Variants in ATP8B1 observed in about 807,000 individuals in gnomAD.
The protein encoded by ATP8B1 is ATPase phospholipid transporting 8B1, also known as phospholipid-transporting ATPase IC.
Under a neutral mutation model 149.9 loss-of-function variants are expected in ATP8B1, and 80 were observed. The observed-to-expected ratio is 0.53, with a 90% CI of 0.45 to 0.64. The LOEUF (loss-of-function observed/expected upper bound fraction) is 0.64. Ranked by LOEUF, ATP8B1 falls within the 30% of genes least tolerant of loss-of-function variation. The probability of loss-of-function intolerance (pLI) is 0.00; values close to 1 mark genes in which losing one functional copy is unlikely to be tolerated. For missense variants in ATP8B1, 1,247 were observed against 1,552.6 expected (o/e 0.80, Z 3.31); for synonymous variants, 536 against 562.8 (o/e 0.95, Z 0.67).
chr18:57,737,578 CT>C (rs2079870750), intron 1 of ATP8B1, among the ~76,000 whole-genome samples: 1 of 6,208 alleles, frequency 1.6e-4, no homozygotes. Context: ...TTCTTTCTTT[CT>C]TTTTTTTAAA....
At chr18:57,680,619 A>ACAAAAC (rs1555691204) in intron 15 of ATP8B1, among the ~76,000 whole-genome samples, 23 of 149,364 alleles carry the variant, frequency 1.5e-4, no homozygotes, top group African/African-American at 5.2e-4. Flanking sequence ...ACAAAACAAA[A>ACAAAAC]AAAAAACCAC....
At chr18:57,649,633 G>A (rs548290465) in intron 27 of ATP8B1, among the ~76,000 whole-genome samples, 1 of 152,238 alleles carries the variant, frequency 6.6e-6, no homozygotes, top group African/African-American at 2.4e-5. Flanking sequence ...CTCATGGGCG[G>A]TGGGCAGGTT....
chr18:57,753,010 G>A (rs75663160), intron 1 of ATP8B1, among the ~76,000 whole-genome samples: 3,506 of 152,168 alleles, frequency 0.023, 110 homozygotes, highest in African/African-American at 0.078. Flanking sequence ...CACTGTCTCC[G>A]GCCCCCAGGG....
At chr18:57,732,532 T>C (rs1193425993) in intron 1 of ATP8B1, among the ~76,000 whole-genome samples, 2 of 151,814 alleles carry the variant, frequency 1.3e-5, no homozygotes, top group Non-Finnish European at 1.5e-5. Flanking sequence ...CACACATTTA[T>C]TTGCATTGTG....
At chr18:57,756,653 TTC>T (rs112851704) in intron 1 of ATP8B1, among the ~76,000 whole-genome samples, 33 of 149,220 alleles carry the variant, frequency 2.2e-4, no homozygotes, top group Non-Finnish European at 3.0e-4. Context: ...ATGGTATTCC[TTC>T]TCTCTCTCTC....
At chr18:57,697,570 G>A (rs1265917783) in intron 8 of ATP8B1, 48 bp downstream of exon 8, 2 of 1,585,622 alleles carry the variant, frequency 1.3e-6, no homozygotes, top group East Asian at 2.2e-5. Flanking sequence ...TGGAATGAAT[G>A]TGCCTTCAAA....
chr18:57,729,932 T>C (rs1307129005), intron 2 of ATP8B1, among the ~76,000 whole-genome samples: 1 of 152,118 alleles, frequency 6.6e-6, no homozygotes, highest in Non-Finnish European at 1.5e-5. Context: ...AGCTCAATCC[T>C]CAACAGCTTG....
At chr18:57,764,769 A>C (rs1343946017) in intron 1 of ATP8B1, among the ~76,000 whole-genome samples, 2 of 151,736 alleles carry the variant, frequency 1.3e-5, no homozygotes, top group Non-Finnish European at 2.9e-5. Context: ...AAAAAAAAAA[A>C]AAAAAAAAAA....
In ATP8B1 at chr18:57,756,210, T is replaced by TAC. The variant is rs573321061; in HGVS notation, c.-25-24380_-25-24379dup. Among the ~76,000 whole-genome samples the TAC allele has an allele frequency of 2.2e-3, 244 of 109,046 alleles. 12 individuals are homozygous for TAC. The highest frequency in any genetic ancestry group is 7.1e-3 in the East Asian group (34 of 4,780). The allele number at this position is 109,046 out of a possible 152,430, so 71.5% of individuals were successfully genotyped here. A position where few individuals can be genotyped will look rare whatever the true frequency, so the allele number is the denominator to read the frequency against. ...TCCACAACATATATATATATATATA[T>TAC]ACACACACACACACACACACACACA... On this transcript the variant is annotated intron_variant, in intron 1 of 27. Coordinates refer to ENST00000648908, the MANE Select transcript of ATP8B1 (RefSeq NM_001374385.1).
chr18:57,760,374 C>G (rs1338104273), intron 1 of ATP8B1, among the ~76,000 whole-genome samples: 2 of 152,190 alleles, frequency 1.3e-5, no homozygotes, highest in Non-Finnish European at 2.9e-5. Flanking sequence ...AGGGAAAGGG[C>G]CTGTCCCTAA....
intron 2 of ATP8B1, among the ~76,000 whole-genome samples, chr18:57,713,188 TTTCTTTCTTTCCTTCCTTCC>T (rs1247562269): frequency 1.1e-3 from 117 of 103,778 alleles, no homozygotes; most frequent in African/African-American, 2.8e-3. Flanking sequence ...TCTTTCTTTC[TTTCTTTCTTTCCTTCCTTCC>T]TTCCTTCCTT....
intron 20 of ATP8B1, among the ~76,000 whole-genome samples, chr18:57,665,901 C>A (rs994311368): frequency 2.6e-5 from 4 of 151,812 alleles, no homozygotes; most frequent in African/African-American, 9.7e-5. Context: ...GGCTTATGTA[C>A]CTCTATTTGG....
intron 1 of ATP8B1, among the ~76,000 whole-genome samples, chr18:57,736,349 G>A (rs2079854237): frequency 6.6e-6 from 1 of 150,614 alleles, no homozygotes; most frequent in South Asian, 2.1e-4. Flanking sequence ...TATTTTTGTT[G>A]TTGTTGTTGC....
chr18:57,701,092 A>G lies in ATP8B1; in HGVS notation c.501T>C (p.His167=), dbSNP rs780703474. 6.2e-7 allele frequency: 1 copy of G among 1,614,056 alleles called. No homozygotes were observed. Among genetic ancestry groups the G allele is most frequent in the Non-Finnish European group, 8.5e-7 (1 of 1,180,010 alleles). Residue 167 remains histidine (H), a synonymous_variant, in exon 6 of 28, where the codon CAT becomes CAC. Transcript: ENST00000648908. ...IKDLVDDVAR[H]KMDKEINNRT... The stretch of plus-strand genomic sequence containing the variant: ...TATTGTTGATTTCCTTATCCATTTT[A>G]TGGCGAGCCTTGAGAAGGAAGATGG...
chr18:57,765,859 C>T (rs888710623), intron 1 of ATP8B1, among the ~76,000 whole-genome samples: 1 of 151,188 alleles, frequency 6.6e-6, no homozygotes, highest in East Asian at 2.0e-4. Context: ...GTAATCTCAG[C>T]TACTCAGGAG....
chr18:57,793,552 C>G (rs569224607), intron 1 of ATP8B1, among the ~76,000 whole-genome samples: 30 of 152,214 alleles, frequency 2.0e-4, no homozygotes, highest in African/African-American at 6.0e-4. Context: ...CATAGCCTGG[C>G]AAGCCCTGCA....
intron 20 of ATP8B1, 66 bp downstream of exon 20, chr18:57,667,026 T>C: frequency 7.1e-7 from 1 of 1,406,298 alleles, no homozygotes; most frequent in South Asian, 1.2e-5. Flanking sequence ...TGCTATCTTC[T>C]ACAGACAGTC....
chr18:57,694,178 A>G (rs1030569551), intron 11 of ATP8B1, among the ~76,000 whole-genome samples: 1 of 152,130 alleles, frequency 6.6e-6, no homozygotes, highest in Non-Finnish European at 1.5e-5. Context: ...GCTATACAGT[A>G]TATGTTGGGG....
chr18:57,668,081 C>T, intron 19 of ATP8B1: 2 of 1,311,334 alleles, frequency 1.5e-6, no homozygotes, highest in South Asian at 2.5e-5. Flanking sequence ...TATTGTTCTA[C>T]TCTGTGCCCA....
Sources: allele counts gnomAD v4.1 joint callset (sites outside exome capture counted in the v4.1 genomes callset), GRCh38; gene constraint gnomAD v4.1.1; transcripts MANE v1.5; gene names NCBI Gene and HGNC (gene_info 2026-07-23, HGNC 2026-07-21).